Variants in PIEZO2 observed in about 807,000 individuals in gnomAD.
The protein encoded by PIEZO2 is piezo-type mechanosensitive ion channel component 2.
In PIEZO2, 172 loss-of-function variants were observed where a neutral mutation model predicts 337.3. The observed-to-expected ratio is 0.51, with a 90% CI of 0.45 to 0.58. The LOEUF is 0.58. PIEZO2 is among the 20% of genes least tolerant of loss of function. The probability of loss-of-function intolerance (pLI) is 0.00; values close to 1 mark genes in which losing one functional copy is unlikely to be tolerated. For synonymous variants in PIEZO2, 1,251 were observed against 1,228.5 expected (o/e 1.02, Z -0.38); for missense variants, 3,028 against 3,391.3 (o/e 0.89, Z 2.66).
At position 10,830,922 on chromosome 18, in the gene PIEZO2, A is replaced by G. The variant is rs2040825128; in HGVS notation, c.918-23648T>C. Among the ~76,000 whole-genome samples the G allele has an allele frequency of 6.6e-6, 1 of 152,270 alleles. No individual in the cohort carries two copies. Among genetic ancestry groups the G allele is most frequent in the Admixed American group, 6.5e-5 (1 of 15,290 alleles). On this transcript the variant is annotated intron_variant, in intron 7 of 55. Coordinates refer to ENST00000674853, the MANE Select transcript of PIEZO2 (RefSeq NM_001378183.1). The surrounding 1 kb of genome is among the most constrained non-coding windows in gnomAD (Gnocchi z 4.7). ...AGACATACAAATGGCAAACAGGCAT[A>G]TGCAAAAGTGCTTAGCATAATTTAT...
chr18:11,094,081 C>T lies in PIEZO2; in HGVS notation c.65-27859G>A, dbSNP rs752142330. ...GCAACCTCTGCCTCCTGGGTTCAAG[C>T]GATTCTCCTGCTTCAGCCTCCCAAG... On this transcript the variant is annotated intron_variant, in intron 1 of 55. Transcript: ENST00000674853. This position sits in a 1 kb window ranked among gnomAD's most constrained non-coding sequence, Gnocchi z 4.4. Among the ~76,000 whole-genome samples the T allele has an allele frequency of 1.3e-5, 2 of 152,082 alleles. No individual in the cohort carries two copies. The highest frequency in any genetic ancestry group is 1.5e-5 in the Non-Finnish European group (1 of 67,992).
At chr18:10,924,041 C>A (rs2031579420) in intron 3 of PIEZO2, among the ~76,000 whole-genome samples, 1 of 152,152 alleles carries the variant, frequency 6.6e-6, no homozygotes. Context: ...GGTTCTCAGC[C>A]AGTGTTTAAA....
intron 2 of PIEZO2, among the ~76,000 whole-genome samples, chr18:11,041,005 G>T (rs1277571989): frequency 6.6e-5 from 10 of 152,120 alleles, no homozygotes; most frequent in African/African-American, 2.4e-4. Context: ...CTACAAAACA[G>T]CTCCCTCTGG....
intron 51 of PIEZO2, 65 bp downstream of exon 51, chr18:10,681,596 T>C: frequency 7.5e-7 from 1 of 1,335,306 alleles, no homozygotes; most frequent in Non-Finnish European, 1.1e-6. Context: ...AAGCATTAAA[T>C]GACAATGAGT....
intron 7 of PIEZO2, among the ~76,000 whole-genome samples, chr18:10,827,084 T>A (rs1341443009): frequency 6.6e-6 from 1 of 152,228 alleles, no homozygotes; most frequent in African/African-American, 2.4e-5. Flanking sequence ...TATTTATGCA[T>A]AAATATATAG....
rs1437390880 is a variant in PIEZO2, at chr18:10,988,723, T to C, written c.161-9063A>G. On this transcript the variant is annotated intron_variant, in intron 2 of 55. Transcript: ENST00000674853. The surrounding 1 kb of genome is among the most constrained non-coding windows in gnomAD (Gnocchi z 4.8). ...TATTGGATAAGGAAATTGTGGCATA[T>C]ACATACATAGAATATTATTCATCCT... Among the ~76,000 whole-genome samples the C allele has an allele frequency of 6.6e-6, 1 of 152,156 alleles. No individual in the cohort carries two copies. The highest frequency in any genetic ancestry group is 1.5e-5 in the Non-Finnish European group (1 of 68,028).
intron 3 of PIEZO2, among the ~76,000 whole-genome samples, chr18:10,956,969 CAA>C (rs67384142): frequency 1.6e-4 from 8 of 50,662 alleles, no homozygotes; most frequent in Non-Finnish European, 1.7e-4. Flanking sequence ...AACTCCATCT[CAA>C]AAAAAAAAAA....
intron 2 of PIEZO2, among the ~76,000 whole-genome samples, chr18:11,050,805 A>ATTATATATATATATATATAT (rs1267873853): frequency 6.7e-6 from 1 of 150,340 alleles, no homozygotes; most frequent in Non-Finnish European, 1.5e-5. Flanking sequence ...TATATATATA[A>ATTATATATATATATATATAT]AATTAATAAT....
At chr18:10,715,922 C>T (rs1050076433) in intron 37 of PIEZO2, 106 bp from the exon 38 acceptor site, 4 of 891,946 alleles carry the variant, frequency 4.5e-6, no homozygotes, top group Admixed American at 2.7e-5. Context: ...GCTCTTGGCC[C>T]GTGCATCTAA....
intron 3 of PIEZO2, among the ~76,000 whole-genome samples, chr18:10,922,206 G>A (rs1030697172): frequency 3.9e-5 from 6 of 152,108 alleles, no homozygotes; most frequent in African/African-American, 1.4e-4. Context: ...GGGCATCACA[G>A]AATCTACCGA....
In PIEZO2 at chr18:10,752,852, G is replaced by T; in HGVS notation, c.3951C>A (p.Ile1317=). 6.5e-7 allele frequency: 1 copy of T among 1,536,992 alleles called. No individual in the cohort carries two copies. The highest frequency in any genetic ancestry group is 1.2e-5 in the South Asian group (1 of 84,020). The change falls in exon 28 of 56, where the codon ATC becomes ATA. Residue 1317 remains isoleucine (I), a synonymous_variant. Coordinates refer to ENST00000674853, the MANE Select transcript of PIEZO2 (RefSeq NM_001378183.1). ...CRSYLDMSKV[I]IFSYLFWFVL... The stretch of plus-strand genomic sequence containing the variant: ...CAAACCAGAAGAGGTAGCTGAAGAT[G>T]ATCACTTTGGACATGTCTAAGTAAG...
Position 11,097,192 on chromosome 18 carries a change from T to C in PIEZO2, c.65-30970A>G, listed in dbSNP as rs1255436357. Among the ~76,000 whole-genome samples the C allele has an allele frequency of 6.6e-6, 1 of 152,192 alleles. No homozygotes were observed. Among genetic ancestry groups the C allele is most frequent in the Non-Finnish European group, 1.5e-5 (1 of 68,032 alleles). Reference sequence around the variant, plus strand: ...CCGCCCCACAAACTAAGAATGCTTTTTATATGTTTAAATGATTGAAAAAAA... The same window carrying C: ...CCGCCCCACAAACTAAGAATGCTTTCTATATGTTTAAATGATTGAAAAAAA... On this transcript the variant is annotated intron_variant, in intron 1 of 55. Coordinates refer to ENST00000674853, the MANE Select transcript of PIEZO2 (RefSeq NM_001378183.1). The surrounding 1 kb of genome is among the most constrained non-coding windows in gnomAD (Gnocchi z 5.0).
At chr18:10,805,968 A>AT (rs568772462) in intron 8 of PIEZO2, among the ~76,000 whole-genome samples, 1 of 152,132 alleles carries the variant, frequency 6.6e-6, no homozygotes, top group South Asian at 2.1e-4. Context: ...CTCTTGGACC[A>AT]TTTTTCTCTT....
chr18:10,947,334 G>A (rs1179301351), intron 3 of PIEZO2, among the ~76,000 whole-genome samples: 1 of 152,006 alleles, frequency 6.6e-6, no homozygotes, highest in Non-Finnish European at 1.5e-5. Context: ...AACCACGGAG[G>A]CCAGAAAAAA....
chr18:10,887,679 C>T (rs2042646777), intron 4 of PIEZO2, among the ~76,000 whole-genome samples: 1 of 152,254 alleles, frequency 6.6e-6, no homozygotes, highest in Admixed American at 6.5e-5. Flanking sequence ...CATTGGGAAG[C>T]ATGTGTTGCA....
At chr18:11,093,116 A>G (rs2039147780) in intron 1 of PIEZO2, among the ~76,000 whole-genome samples, 1 of 152,214 alleles carries the variant, frequency 6.6e-6, no homozygotes, top group African/African-American at 2.4e-5. Context: ...GAAGAATAAT[A>G]TGCTGTAGAT....
At chr18:10,678,098 T>G (rs984878617) in intron 52 of PIEZO2, among the ~76,000 whole-genome samples, 1 of 152,138 alleles carries the variant, frequency 6.6e-6, no homozygotes, top group Non-Finnish European at 1.5e-5. Context: ...AAAACAGAGT[T>G]GAAGGTGAGA....
intron 1 of PIEZO2, among the ~76,000 whole-genome samples, chr18:11,137,448 T>A (rs1368986072): frequency 6.6e-6 from 1 of 152,244 alleles, no homozygotes; most frequent in Non-Finnish European, 1.5e-5. Context: ...AAATATTTCT[T>A]AGCCTTGAAC....
chr18:10,848,259 C>T (rs72973109), intron 7 of PIEZO2, among the ~76,000 whole-genome samples: 45,123 of 152,092 alleles, frequency 0.3, 7,185 homozygotes, highest in African/African-American at 0.43. Context: ...CATTGAGGCA[C>T]TTATTTCTCC....
Sources: allele counts gnomAD v4.1 joint callset (sites outside exome capture counted in the v4.1 genomes callset), GRCh38; gene constraint gnomAD v4.1.1; non-coding constraint Gnocchi (gnomAD v3.1); transcripts MANE v1.5; gene names NCBI Gene and HGNC (gene_info 2026-07-23, HGNC 2026-07-21).